The following PDE4D variants were observed in gnomAD, a reference collection of about 807,000 sequenced individuals.
The protein encoded by PDE4D is 3',5'-cyclic-AMP phosphodiesterase 4D.
Under a neutral mutation model 87.4 loss-of-function variants are expected in PDE4D, and 24 were observed. That is an observed-to-expected ratio of 0.27 (90% CI 0.20 to 0.39). The LOEUF is 0.39. Ranked by LOEUF, PDE4D falls within the 10% of genes least tolerant of loss-of-function variation. The pLI, the probability that PDE4D is intolerant of heterozygous loss-of-function variation, is 1.00. For missense variants in PDE4D, 714 were observed against 1,041.0 expected (o/e 0.69, Z 4.32); for synonymous variants, 384 against 383.2 (o/e 1.00, Z -0.02).
chr5:59,837,915 G>A (rs970557257), intron 1 of PDE4D, among the ~76,000 whole-genome samples: 1 of 152,036 alleles, frequency 6.6e-6, no homozygotes, highest in East Asian at 1.9e-4. Flanking sequence ...ATGGCTCACT[G>A]ATAGGTTCTA....
chr5:60,268,555 A>G (rs369878738), intron 1 of PDE4D, among the ~76,000 whole-genome samples: 1 of 152,230 alleles, frequency 6.6e-6, no homozygotes, highest in East Asian at 1.9e-4. Context: ...TCTCCTGGAC[A>G]GCCTAGTTTC....
At chr5:59,880,813 G>C (rs191658243) in intron 1 of PDE4D, among the ~76,000 whole-genome samples, 1 of 152,068 alleles carries the variant, frequency 6.6e-6, no homozygotes, top group Non-Finnish European at 1.5e-5. Flanking sequence ...GACATAAATT[G>C]TTTTCCCTAA....
At chr5:60,076,790 C>T (rs528075816) in intron 2 of PDE4D, among the ~76,000 whole-genome samples, 1 of 152,318 alleles carries the variant, frequency 6.6e-6, no homozygotes, top group African/African-American at 2.4e-5. Context: ...AGAATCTGTT[C>T]TCATTTGCAT....
chr5:59,645,929 A>C lies in PDE4D; in HGVS notation c.455+247239T>G, dbSNP rs56666128. Among the ~76,000 whole-genome samples, 161 of 152,352 alleles carry C rather than the reference A, an allele frequency of 1.1e-3. 2 individuals are homozygous for C. Among genetic ancestry groups the C allele is most frequent in the African/African-American group, 3.3e-3 (136 of 41,588 alleles). ...GATTACAATCAATTATACTAGAGAA[A>C]AGACTGCATTATCTTGTTATTCTCA... On this transcript the variant is annotated intron_variant, in intron 1 of 14. Transcript: ENST00000340635.
chr5:60,421,139 G>T (rs1583698709), intron 1 of PDE4D, among the ~76,000 whole-genome samples: 1 of 152,248 alleles, frequency 6.6e-6, no homozygotes, highest in Non-Finnish European at 1.5e-5. Flanking sequence ...AGAAGCTTCT[G>T]CAGACTTAAA....
intron 5 of PDE4D, among the ~76,000 whole-genome samples, chr5:59,171,836 T>A (rs1782821849): frequency 7.2e-6 from 1 of 138,004 alleles, no homozygotes; most frequent in South Asian, 2.1e-4. Flanking sequence ...ATATATATTT[T>A]ATATATTTAT....
At chr5:59,181,636 G>T (rs1436910083) in intron 4 of PDE4D, among the ~76,000 whole-genome samples, 1 of 148,768 alleles carries the variant, frequency 6.7e-6, no homozygotes, top group Non-Finnish European at 1.5e-5. Context: ...AACACTTCTT[G>T]TGGATCAGAC....
At chr5:60,237,649 A>G (rs1429912823) in intron 1 of PDE4D, among the ~76,000 whole-genome samples, 1 of 152,072 alleles carries the variant, frequency 6.6e-6, no homozygotes, top group Non-Finnish European at 1.5e-5. Context: ...CTATAAAAGC[A>G]TAGCACAAGG....
intron 1 of PDE4D, among the ~76,000 whole-genome samples, chr5:60,229,206 A>T (rs1745517240): frequency 6.6e-6 from 1 of 152,112 alleles, no homozygotes; most frequent in Admixed American, 6.5e-5. Flanking sequence ...CACCATTCAT[A>T]AAAAATAAAC....
chr5:59,523,706 G>C (rs1316674459), intron 1 of PDE4D, among the ~76,000 whole-genome samples: 1 of 152,204 alleles, frequency 6.6e-6, no homozygotes, highest in Non-Finnish European at 1.5e-5. Context: ...GTCTGGTTCT[G>C]TGTCCTCAAC....
upstream of PDE4D, among the ~76,000 whole-genome samples, chr5:60,492,658 C>T (rs1391568708): frequency 6.6e-6 from 1 of 151,954 alleles, no homozygotes; most frequent in Non-Finnish European, 1.5e-5. Context: ...AACCAAACAC[C>T]GCATGTTCTC....
chr5:59,965,715 T>C (rs1251650353), intron 3 of PDE4D, among the ~76,000 whole-genome samples: 1 of 152,190 alleles, frequency 6.6e-6, no homozygotes, highest in Non-Finnish European at 1.5e-5. Context: ...TGGTAATTTG[T>C]GCAGTCAGTA....
At chr5:59,932,389 C>T (rs1756063360) in intron 3 of PDE4D, among the ~76,000 whole-genome samples, 1 of 152,146 alleles carries the variant, frequency 6.6e-6, no homozygotes, top group South Asian at 2.1e-4. Context: ...CAGTTTTCTA[C>T]TTTGCAACTC....
intron 1 of PDE4D, among the ~76,000 whole-genome samples, chr5:59,695,727 A>G (rs1751683262): frequency 6.6e-6 from 1 of 151,976 alleles, no homozygotes; most frequent in Non-Finnish European, 1.5e-5. Flanking sequence ...TCAGCCCCCC[A>G]AGTAGCTGGG....
At chr5:60,192,777 T>G (rs1785299194) in intron 1 of PDE4D, among the ~76,000 whole-genome samples, 1 of 152,140 alleles carries the variant, frequency 6.6e-6, no homozygotes. Context: ...TCTGTCTCAT[T>G]TCTATGTTTC....
intron 1 of PDE4D, among the ~76,000 whole-genome samples, chr5:59,219,821 T>C (rs1752065703): frequency 6.6e-6 from 1 of 152,164 alleles, no homozygotes; most frequent in South Asian, 2.1e-4. Context: ...TTGCAGGATG[T>C]ACACCTTTGA....
intron 1 of PDE4D, among the ~76,000 whole-genome samples, chr5:59,766,493 G>A (rs1440446518): frequency 6.6e-6 from 1 of 152,218 alleles, no homozygotes; most frequent in Non-Finnish European, 1.5e-5. Context: ...ATCCCGACAT[G>A]TCTAAATAGT....
At chr5:59,812,922 C>T (rs1768529633) in intron 1 of PDE4D, among the ~76,000 whole-genome samples, 1 of 152,206 alleles carries the variant, frequency 6.6e-6, no homozygotes, top group South Asian at 2.1e-4. Context: ...GGGAACCGTT[C>T]CCCAAATTTT....
In PDE4D at chr5:60,426,903, T is replaced by TA. The variant is rs201542964; in HGVS notation, c.-90+61038dup. 1.8e-3 allele frequency among the ~76,000 whole-genome samples: 275 copies of TA among 150,416 alleles called. 1 individual carries two copies. The highest frequency in any genetic ancestry group is 6.4e-3 in the African/African-American group (264 of 41,064). ...AATAACCAAATGAAAATTCTAGAAC[T>TA]AAAAAAAAATAAAAATGAACAATTT... On this transcript the variant is annotated intron_variant, in intron 1 of 16. Coordinates refer to the PDE4D transcript ENST00000502484.
Sources: allele counts gnomAD v4.1 joint callset (sites outside exome capture counted in the v4.1 genomes callset), GRCh38; gene constraint gnomAD v4.1.1; transcripts MANE v1.5; gene names NCBI Gene and HGNC (gene_info 2026-07-23, HGNC 2026-07-21).